Variants in SKA3 observed in about 807,000 individuals in gnomAD.
SKA3 encodes spindle and kinetochore associated complex subunit 3.
SKA3 carries 39 observed loss-of-function variants against 44.2 expected under a neutral mutation model. The ratio of observed to expected loss-of-function variants is 0.88; its 90% CI spans 0.68 to 1.15. The LOEUF is 1.15. Among genes scored for constraint, SKA3 ranks in the 50% most tolerant of loss-of-function variants. The probability of loss-of-function intolerance (pLI) is 0.00; values close to 1 mark genes in which losing one functional copy is unlikely to be tolerated. For missense variants in SKA3, 511 were observed against 485.8 expected, an observed-to-expected ratio of 1.05 and a Z score of -0.49; for synonymous variants, 192 against 172.0, an observed-to-expected ratio of 1.12 and a Z score of -0.91.
chr13:21,168,846 T>C (rs1870880255), intron 3 of SKA3, among the ~76,000 whole-genome samples: 2 of 152,158 alleles, frequency 1.3e-5, no homozygotes, highest in African/African-American at 2.4e-5. Context: ...ATTTCAATTG[T>C]CCCTTTAATA....
At chr13:21,171,441 G>C (rs890165512) in intron 3 of SKA3, among the ~76,000 whole-genome samples, 1 of 152,004 alleles carries the variant, frequency 6.6e-6, no homozygotes, top group African/African-American at 2.4e-5. Flanking sequence ...GCTGGGCGTG[G>C]TGGCGGGCCC....
chr13:21,172,609 A>G lies in SKA3; in HGVS notation c.165+11T>C. ...CAGAAAAATAATAAATCAATATTGT[A>G]GGAGTGATACCTTTAGAGTCTGAAC... On this transcript the variant is annotated intron_variant, in intron 2 of 8. Transcript: ENST00000314759. 6.7e-7 allele frequency: 1 copy of G among 1,483,246 alleles called. No individual in the cohort carries two copies. Among genetic ancestry groups the G allele is most frequent in the East Asian group, 2.7e-5 (1 of 36,820 alleles). The allele number at this position is 1,483,246 out of a possible 1,614,324, so 91.9% of individuals were successfully genotyped here.
chr13:21,165,745 G>C, intron 4 of SKA3, among the ~76,000 whole-genome samples: 1 of 151,942 alleles, frequency 6.6e-6, no homozygotes, highest in Non-Finnish European at 1.5e-5. Flanking sequence ...GAGCAGTCTG[G>C]GCAACGTGGC....
chr13:21,170,292 G>A (rs1276114452), intron 3 of SKA3, among the ~76,000 whole-genome samples: 1 of 150,090 alleles, frequency 6.7e-6, no homozygotes, highest in Non-Finnish European at 1.5e-5. Context: ...CAATTCTCTT[G>A]TATGAGCCTA....
intron 1 of SKA3, among the ~76,000 whole-genome samples, chr13:21,175,864 G>T (rs924335416): frequency 6.6e-6 from 1 of 152,078 alleles, no homozygotes; most frequent in African/African-American, 2.4e-5. Context: ...CTGCAACTGT[G>T]GACCACGTGA....
Position 21,154,292 on chromosome 13 carries a change from C to T in SKA3, c.*858G>A, listed in dbSNP as rs888911959. The T allele has an allele frequency of 2.6e-5, 4 of 152,288 alleles. No homozygotes were observed. Among genetic ancestry groups the T allele is most frequent in the African/African-American group, 7.2e-5 (3 of 41,446 alleles). 9.4% of individuals were successfully genotyped at this position (152,288 alleles called of 1,614,324 possible). ...CCAGCTGTACTTAAATCAGAAGGAT[C>T]GTAGGCCTGATAAGCAGGTCAACCT... is the stretch of plus-strand genomic sequence containing the variant. On this transcript the variant is annotated 3_prime_UTR_variant, in exon 9 of 9. Coordinates refer to ENST00000314759, the MANE Select transcript of SKA3 (RefSeq NM_145061.6).
chr13:21,155,860 T>C, intron 7 of SKA3, 49 bp from the exon 8 acceptor site: 1 of 1,082,228 alleles, frequency 9.2e-7, no homozygotes, highest in South Asian at 1.3e-5. Flanking sequence ...ATGAATAATA[T>C]AACCTAAATT....
chr13:21,175,015 C>T (rs990236411), intron 1 of SKA3, among the ~76,000 whole-genome samples: 6 of 152,170 alleles, frequency 3.9e-5, no homozygotes, highest in Admixed American at 1.3e-4. Context: ...AGTCTAAGAT[C>T]GCTCAGGCTG....
Position 21,176,489 on chromosome 13 carries a change from C to T in SKA3, c.-12G>A, listed in dbSNP as rs1297073318. 2.0e-6 allele frequency: 3 copies of T among 1,508,428 alleles called. No homozygotes were observed. Among genetic ancestry groups the T allele is most frequent in the African/African-American group, 1.4e-5 (1 of 69,768 alleles). 93.4% of individuals were successfully genotyped at this position (1,508,428 alleles called of 1,614,324 possible). A position where few individuals can be genotyped will look rare whatever the true frequency, so the allele number is the denominator to read the frequency against. On this transcript the variant is annotated 5_prime_UTR_variant, in exon 1 of 9. Transcript: ENST00000314759. ...CGGATAGGGTCCATGCTGAGCACAG[C>T]GGGGAAGGACTCCAGGCGTACGCAG... is the stretch of plus-strand genomic sequence containing the variant.
intron 7 of SKA3, among the ~76,000 whole-genome samples, chr13:21,156,322 A>T (rs924722252): frequency 1.3e-5 from 2 of 152,216 alleles, no homozygotes; most frequent in African/African-American, 4.8e-5. Flanking sequence ...GTAGCAATAT[A>T]TCCCTGAGAG....
intron 4 of SKA3, among the ~76,000 whole-genome samples, chr13:21,166,079 G>A (rs914082272): frequency 2.0e-5 from 3 of 151,126 alleles, no homozygotes; most frequent in South Asian, 2.1e-4. Context: ...GTGCAGTGGC[G>A]TGATCTCAGC....
intron 1 of SKA3, among the ~76,000 whole-genome samples, chr13:21,173,384 GTAGCTGGGAC>G (rs1475162156): frequency 6.6e-6 from 1 of 152,198 alleles, no homozygotes; most frequent in African/African-American, 2.4e-5. Context: ...AGTCTCCCAA[GTAGCTGGGAC>G]TACAGGTGTG....
intron 4 of SKA3, among the ~76,000 whole-genome samples, chr13:21,163,439 G>A (rs968742768): frequency 1.3e-5 from 2 of 152,004 alleles, no homozygotes; most frequent in Non-Finnish European, 2.9e-5. Context: ...TGTTTTCCTT[G>A]AATTTGTTCA....
chr13:21,162,368 A>AT (rs71090571), intron 4 of SKA3, among the ~76,000 whole-genome samples: 1,536 of 147,554 alleles, frequency 0.01, 17 homozygotes, highest in African/African-American at 0.033. Context: ...TTGTGTAAAC[A>AT]TTTTTTTTTT....
At chr13:21,160,338 T>C (rs994007960) in intron 5 of SKA3, among the ~76,000 whole-genome samples, 1 of 151,858 alleles carries the variant, frequency 6.6e-6, no homozygotes, top group African/African-American at 2.4e-5. Context: ...TCTTCCAAGA[T>C]GGCAGGACTT....
intron 7 of SKA3, among the ~76,000 whole-genome samples, chr13:21,157,365 T>C (rs1003474279): frequency 3.9e-5 from 6 of 152,234 alleles, no homozygotes; most frequent in Non-Finnish European, 8.8e-5. Flanking sequence ...ACCTAGGCTA[T>C]ATGGTATAGA....
chr13:21,167,873 A>G, intron 4 of SKA3, 115 bp downstream of exon 4: 1 of 744,250 alleles, frequency 1.3e-6, no homozygotes, highest in Non-Finnish European at 1.8e-6. Context: ...TAAATATCTG[A>G]AAACTTTTTA....
chr13:21,173,287 G>A (rs543991842), intron 1 of SKA3, among the ~76,000 whole-genome samples: 16 of 152,112 alleles, frequency 1.1e-4, no homozygotes, highest in South Asian at 2.1e-4. Flanking sequence ...ATGGAGTTTC[G>A]CTCTTGTTGC....
chr13:21,173,734 A>G (rs1292748695), intron 1 of SKA3, among the ~76,000 whole-genome samples: 1 of 152,204 alleles, frequency 6.6e-6, no homozygotes, highest in Non-Finnish European at 1.5e-5. Flanking sequence ...GCGTGATACC[A>G]TATTTATTTA....
Sources: gnomAD v4.1 joint callset for allele counts (sites outside exome capture counted in the v4.1 genomes callset) on GRCh38, gnomAD v4.1.1 for gene constraint, MANE v1.5 for transcripts, NCBI Gene and HGNC (gene_info 2026-07-23, HGNC 2026-07-21) for gene names.